Variants in AFF2 observed in about 807,000 individuals in gnomAD.
The protein encoded by AFF2 is AF4/FMR2 family member 2.
A neutral mutation model predicts 76.9 loss-of-function variants in AFF2; 14 were observed. The ratio of observed to expected loss-of-function variants is 0.18; its 90% confidence interval spans 0.12 to 0.28. The LOEUF (loss-of-function observed/expected upper bound fraction) is 0.28, where lower values mean the gene tolerates loss of function less well. Among genes scored for constraint, AFF2 ranks in the 10% least tolerant of loss-of-function variants. The pLI is 1.00. For synonymous variants in AFF2, 398 were observed against 366.7 expected (o/e 1.09, Z -0.98); for missense variants, 868 against 1,001.1 (o/e 0.87, Z 1.79).
At position 148,837,715 on chromosome X, in the gene AFF2, CT is replaced by C; in HGVS notation, c.1159del (p.Ser387ProfsTer10). 8.4e-7 allele frequency: 1 copy of C among 1,192,829 alleles called. No homozygotes were observed. The highest frequency in any genetic ancestry group is 1.1e-6 in the Non-Finnish European group (1 of 878,920). On this transcript the variant is annotated frameshift_variant, in exon 5 of 21. Transcript: ENST00000370460. LOFTEE classifies it high-confidence loss of function. ...HTAGHSEQST[F>X]SIPGQESQHL... ...CTGCTGGACACTCTGAGCAGAGCACCTTTTCCATCCCAGGACAGGTCAGTTC... is the reference window on the plus strand; with the variant it reads ...CTGCTGGACACTCTGAGCAGAGCACCTTTCCATCCCAGGACAGGTCAGTTC...
At chrX:148,687,325 T>C (rs1372429680) in intron 3 of AFF2, among the ~76,000 whole-genome samples, 4 of 112,332 alleles carry the variant, frequency 3.6e-5, no homozygotes, top group African/African-American at 1.3e-4. Flanking sequence ...TTCAATTTTT[T>C]TAGATGTCCA....
chrX:148,568,342 A>G (rs1557242035), intron 1 of AFF2, among the ~76,000 whole-genome samples: 2 of 111,959 alleles, frequency 1.8e-5, no homozygotes, highest in East Asian at 2.8e-4. Flanking sequence ...ACTTCCATAA[A>G]ATCTTTAAAA....
chrX:148,531,908 TAAA>T (rs5904240), intron 1 of AFF2, among the ~76,000 whole-genome samples: 1,990 of 107,533 alleles, frequency 0.019, 57 homozygotes, highest in African/African-American at 0.062. Context: ...ATCTTTTTTT[TAAA>T]AAAAAAGCAA....
chrX:148,762,697 A>G (rs186651530), intron 3 of AFF2, among the ~76,000 whole-genome samples: 1 of 110,274 alleles, frequency 9.1e-6, no homozygotes, highest in Admixed American at 9.8e-5. Flanking sequence ...CGTGTACCCC[A>G]TGCATCTTAT....
intron 1 of AFF2, among the ~76,000 whole-genome samples, chrX:148,614,672 T>C (rs984644685): frequency 6.9e-5 from 7 of 101,980 alleles, no homozygotes; most frequent in African/African-American, 2.6e-4. Flanking sequence ...CCTTTCCTTT[T>C]CTTCCTTCTT....
chrX:148,798,122 G>A (rs2124630658), intron 3 of AFF2, among the ~76,000 whole-genome samples: 1 of 111,916 alleles, frequency 8.9e-6, no homozygotes, highest in Non-Finnish European at 1.9e-5. Context: ...TTATAACATG[G>A]TAGAAGGCAT....
At chrX:148,887,321 A>C (rs781797380) in intron 8 of AFF2, among the ~76,000 whole-genome samples, 1 of 111,867 alleles carries the variant, frequency 8.9e-6, no homozygotes, top group African/African-American at 3.2e-5. Flanking sequence ...AAAAATTGTC[A>C]TTTCTCCTTC....
Position 148,998,774 on chromosome X carries a change from T to C in AFF2, c.*7442T>C, listed in dbSNP as rs184174133. The C allele has an allele frequency of 9.9e-4, 110 of 110,771 alleles. 1 individual carries two copies. The highest frequency in any genetic ancestry group is 3.6e-3 in the African/African-American group (109 of 30,494). The allele number at this position is 110,771 out of a possible 1,213,427, so 9.1% of individuals were successfully genotyped here. On this transcript the variant is annotated 3_prime_UTR_variant, in exon 21 of 21. Coordinates refer to ENST00000370460, the MANE Select transcript of AFF2 (RefSeq NM_002025.4). ...TTTATCTTTTTTTTTTCATTTCTCC[T>C]TTTCCTTTTCCATTATTTTTCGATG... is the stretch of plus-strand genomic sequence containing the variant.
intron 1 of AFF2, among the ~76,000 whole-genome samples, chrX:148,515,044 C>T (rs1177914675): frequency 6.3e-5 from 7 of 111,920 alleles, no homozygotes; most frequent in Non-Finnish European, 1.1e-4. Flanking sequence ...ATGAATGAGA[C>T]AGCCTACACT....
In AFF2 at chrX:148,611,030, G is replaced by T. The variant is rs200287465; in HGVS notation, c.48-40969G>T. Among the ~76,000 whole-genome samples, 24 of 111,718 alleles carry T rather than the reference G, an allele frequency of 2.1e-4. No individual in the cohort carries two copies. In the East Asian group the frequency reaches 6.8e-3, roughly 32 times the overall value. On this transcript the variant is annotated intron_variant, in intron 1 of 20. Coordinates refer to ENST00000370460, the MANE Select transcript of AFF2 (RefSeq NM_002025.4). ...TTATAATTATTTTACTTAGCCCAATGTTTTTCAAATATTGCTCTGTCTTCC... is the reference window on the plus strand; with the variant it reads ...TTATAATTATTTTACTTAGCCCAATTTTTTTCAAATATTGCTCTGTCTTCC...
In AFF2 at chrX:148,693,555, G is replaced by A. The variant is rs925487994; in HGVS notation, c.1041+30787G>A. Among the ~76,000 whole-genome samples the A allele has an allele frequency of 8.9e-5, 10 of 111,855 alleles. No homozygotes were observed. The South Asian group carries it at 3.7e-3, about 42-fold the overall frequency. On this transcript the variant is annotated intron_variant, in intron 3 of 20. Transcript: ENST00000370460. The stretch of plus-strand genomic sequence containing the variant: ...TTATGATTTCCCATGTCTAATTTTA[G>A]TTCTTCTACCACTTCTCTCCAGAGT...
At chrX:148,905,425 T>A (rs1260221725) in intron 9 of AFF2, among the ~76,000 whole-genome samples, 1 of 112,274 alleles carries the variant, frequency 8.9e-6, no homozygotes, top group Non-Finnish European at 1.9e-5. Flanking sequence ...GTTGAAATCT[T>A]CTCTGCAGCC....
chrX:148,977,800 A>T, intron 16 of AFF2, 133 bp from the exon 17 acceptor site: 1 of 499,640 alleles, frequency 2.0e-6, no homozygotes, highest in Non-Finnish European at 3.5e-6. Context: ...GCTTTTGCCC[A>T]CATGTACCAG....
At chrX:148,673,484 G>A (rs2124481049) in intron 3 of AFF2, among the ~76,000 whole-genome samples, 1 of 111,569 alleles carries the variant, frequency 9.0e-6, no homozygotes, top group East Asian at 2.8e-4. Context: ...GTCTCTCTGT[G>A]TCCTCTTCTT....
intron 9 of AFF2, among the ~76,000 whole-genome samples, chrX:148,942,817 G>GA (rs574314521): frequency 0.033 from 2,888 of 86,653 alleles, 144 homozygotes; most frequent in African/African-American, 0.12. Flanking sequence ...CTCCATCTCA[G>GA]AAAAAAAAAA....
intron 9 of AFF2, among the ~76,000 whole-genome samples, chrX:148,932,349 G>A (rs905840620): frequency 8.9e-6 from 1 of 111,801 alleles, no homozygotes; most frequent in African/African-American, 3.3e-5. Context: ...CTCCTTTGTG[G>A]GTTTGAAAAG....
intron 3 of AFF2, among the ~76,000 whole-genome samples, chrX:148,694,604 T>C: frequency 9.0e-6 from 1 of 111,726 alleles, no homozygotes; most frequent in Non-Finnish European, 1.9e-5. Flanking sequence ...ATCTGTGGTT[T>C]GTTTGCATGT....
intron 7 of AFF2, among the ~76,000 whole-genome samples, chrX:148,855,710 C>G (rs782126631): frequency 9.0e-6 from 1 of 111,721 alleles, no homozygotes; most frequent in Non-Finnish European, 1.9e-5. Context: ...TGGACAGGCT[C>G]TGTGCTGGAA....
chrX:148,728,106 C>T (rs184023160), intron 3 of AFF2, among the ~76,000 whole-genome samples: 2 of 112,187 alleles, frequency 1.8e-5, no homozygotes, highest in Non-Finnish European at 3.8e-5. Context: ...TGAGCTTGGG[C>T]GTGGCATGCA....
Sources: allele counts gnomAD v4.1 joint callset (sites outside exome capture counted in the v4.1 genomes callset), GRCh38; gene constraint gnomAD v4.1.1; transcripts MANE v1.5; gene names NCBI Gene and HGNC (gene_info 2026-07-23, HGNC 2026-07-21).